FMO4: variants seen among roughly 807,000 people sequenced by gnomAD.
The protein encoded by FMO4 is flavin containing dimethylaniline monoxygenase 4.
In FMO4, 38 loss-of-function variants were observed where a neutral mutation model predicts 43.3. That is an observed-to-expected ratio of 0.88 (90% CI 0.68 to 1.15). The LOEUF is 1.15. Ranked by LOEUF, FMO4 falls within the 50% of genes most tolerant of loss-of-function variation. FMO4 has a pLI of 0.00. For missense variants in FMO4, 631 were observed against 663.3 expected (o/e 0.95, Z 0.54); for synonymous variants, 224 against 232.2 (o/e 0.96, Z 0.32).
intron 6 of FMO4, 44 bp downstream of exon 6, chr1:171,331,826 A>G (rs372300581): frequency 2.5e-6 from 4 of 1,574,678 alleles, no homozygotes; most frequent in African/African-American, 2.7e-5. Context: ...ATCATCAGTT[A>G]TGATGGCTGG....
Position 171,334,740 on chromosome 1 carries a change from G to GA in FMO4, c.1158dup (p.Trp387MetfsTer11). The stretch of plus-strand genomic sequence containing the variant: ...TTATCAGGCACAGAGCTCCAAGCAC[G>GA]ATGGGTCACAAGAGTATTCAAAGGT... On this transcript the variant is annotated frameshift_variant, in exon 8 of 10. Transcript: ENST00000367749. LOFTEE classifies it high-confidence loss of function. The GA allele has an allele frequency of 6.3e-7, 1 of 1,587,404 alleles. No homozygotes were observed. Among genetic ancestry groups the GA allele is most frequent in the Non-Finnish European group, 8.5e-7 (1 of 1,170,088 alleles).
At chr1:171,335,120 G>T (rs1189776695) in intron 8 of FMO4, among the ~76,000 whole-genome samples, 1 of 152,066 alleles carries the variant, frequency 6.6e-6, no homozygotes, top group Non-Finnish European at 1.5e-5. Flanking sequence ...TCCAAAGAAA[G>T]ATATTGGAAT....
rs1662331498 is a variant in FMO4, at chr1:171,319,831, C to CA, written c.8dup (p.Lys4GlufsTer21). 6.2e-7 allele frequency: 1 copy of CA among 1,613,626 alleles called. No homozygotes were observed. On this transcript the variant is annotated frameshift_variant, in exon 3 of 10. Transcript: ENST00000367749. LOFTEE classifies it high-confidence loss of function. ...TTCCTCTAACAGAGCATACCATGGCCAAGAAAGTTGCAGTGATTGGAGCTG... is the reference window on the plus strand; with the variant it reads ...TTCCTCTAACAGAGCATACCATGGCCAAAGAAAGTTGCAGTGATTGGAGCTG...
At chr1:171,326,729 G>A (rs1662683504) in intron 5 of FMO4, among the ~76,000 whole-genome samples, 1 of 152,144 alleles carries the variant, frequency 6.6e-6, no homozygotes, top group African/African-American at 2.4e-5. Flanking sequence ...TAAGTCTAGA[G>A]CCCAAATAGC....
chr1:171,323,926 A>T (rs1485647703), intron 4 of FMO4, among the ~76,000 whole-genome samples: 1 of 152,208 alleles, frequency 6.6e-6, no homozygotes, highest in Non-Finnish European at 1.5e-5. Flanking sequence ...TTCCACTGAA[A>T]GATTCAAATG....
At chr1:171,323,355 G>C (rs528538605) in intron 4 of FMO4, among the ~76,000 whole-genome samples, 163 bp downstream of exon 4, 1 of 152,034 alleles carries the variant, frequency 6.6e-6, no homozygotes, top group Non-Finnish European at 1.5e-5. Flanking sequence ...AGTTTTACTC[G>C]AATAAATCGT....
At chr1:171,316,520 T>C (rs1187631820) in intron 2 of FMO4, among the ~76,000 whole-genome samples, 193 bp downstream of exon 2, 4 of 151,432 alleles carry the variant, frequency 2.6e-5, no homozygotes, top group South Asian at 4.1e-4. Flanking sequence ...TCCTTCAACA[T>C]AGATATTTTT....
At chr1:171,338,559 C>T (rs1663216479) in intron 9 of FMO4, among the ~76,000 whole-genome samples, 1 of 152,180 alleles carries the variant, frequency 6.6e-6, no homozygotes, top group Non-Finnish European at 1.5e-5. Flanking sequence ...ACATAACCCC[C>T]TCAGAACCTT....
intron 3 of FMO4, among the ~76,000 whole-genome samples, chr1:171,320,905 C>A (rs1662396547): frequency 6.6e-6 from 1 of 152,076 alleles, no homozygotes; most frequent in Admixed American, 6.6e-5. Flanking sequence ...GAGTGGCATT[C>A]GTTCAACAGG....
chr1:171,322,788 G>A (rs913542827), intron 3 of FMO4, among the ~76,000 whole-genome samples: 2 of 152,212 alleles, frequency 1.3e-5, no homozygotes, highest in Non-Finnish European at 2.9e-5. Flanking sequence ...GGGAGGCAGA[G>A]TTTGCAGTGA....
intron 1 of FMO4, among the ~76,000 whole-genome samples, chr1:171,315,428 A>G (rs1051334970): frequency 6.6e-6 from 1 of 150,902 alleles, no homozygotes; most frequent in African/African-American, 2.5e-5. Flanking sequence ...CTTTGAATTC[A>G]TATCTTTTTT....
chr1:171,329,336 A>G (rs1353721482), intron 5 of FMO4, among the ~76,000 whole-genome samples: 1 of 152,012 alleles, frequency 6.6e-6, no homozygotes, highest in Non-Finnish European at 1.5e-5. Flanking sequence ...TACAGATTAT[A>G]TGCTCTCAGG....
At chr1:171,332,362 T>G (rs1480305473) in intron 6 of FMO4, among the ~76,000 whole-genome samples, 1 of 152,192 alleles carries the variant, frequency 6.6e-6, no homozygotes, top group African/African-American at 2.4e-5. Flanking sequence ...TATTTTTATT[T>G]AAAAATAAGG....
Position 171,319,808 on chromosome 1 carries a change from C to T in FMO4, c.-8-10C>T, listed in dbSNP as rs754968585. 25 of 1,612,378 alleles carry T rather than the reference C, an allele frequency of 1.6e-5. No homozygotes were observed. Among genetic ancestry groups the T allele is most frequent in the Non-Finnish European group, 2.0e-5 (24 of 1,179,190 alleles). ...AAATAAAGAAGTTCTGCTTGACTTTCCTCTAACAGAGCATACCATGGCCAA... is the reference window on the plus strand; with the variant it reads ...AAATAAAGAAGTTCTGCTTGACTTTTCTCTAACAGAGCATACCATGGCCAA... On this transcript the variant is annotated splice_polypyrimidine_tract_variant and intron_variant, in intron 2 of 9. Transcript: ENST00000367749.
In FMO4 at chr1:171,316,248, T is replaced by C. The variant is rs908653382; in HGVS notation, c.-88T>C. On this transcript the variant is annotated 5_prime_UTR_variant, in exon 2 of 10. Transcript: ENST00000367749. ...CTACCTAGTGGCCTGGAAATTCAAG[T>C]ATTCTTATTGGTGGAGGCCATTTGT... is the stretch of plus-strand genomic sequence containing the variant. 8 of 152,152 alleles carry C rather than the reference T, an allele frequency of 5.3e-5. No individual in the cohort carries two copies. Among genetic ancestry groups the C allele is most frequent in the African/African-American group, 1.9e-4 (8 of 41,436 alleles). 9.4% of individuals were successfully genotyped at this position (152,152 alleles called of 1,614,324 possible).
rs115046520 is a variant in FMO4, at chr1:171,332,720, T to C, written c.639T>C (p.Ser213=). 28 of 1,609,232 alleles carry C rather than the reference T, an allele frequency of 1.7e-5. No individual in the cohort carries two copies. The African/African-American group carries it at 3.3e-4, about 19-fold the overall frequency. The change falls in exon 7 of 10, where the codon AGT becomes AGC. Residue 213 remains serine (S), a synonymous_variant. Transcript: ENST00000367749. The part of the protein sequence containing the change: ...LSRTAAQVLL[S]TRTGTWVLGR... ...ACTTTACTTTTTAGGTACTTCTCAG[T>C]ACTAGAACTGGTACCTGGGTTCTTG...
intron 3 of FMO4, 36 bp downstream of exon 3, chr1:171,319,993 A>G (rs1393256186): frequency 6.2e-7 from 1 of 1,610,962 alleles, no homozygotes; most frequent in Admixed American, 1.7e-5. Context: ...TGATCTGGCC[A>G]TTTGCTTTGT....
At position 171,332,859 on chromosome 1, in the gene FMO4, T is replaced by C. The variant is rs898220960; in HGVS notation, c.778T>C (p.Leu260=). 1.3e-6 allele frequency: 2 copies of C among 1,595,758 alleles called. No homozygotes were observed. The highest frequency in any genetic ancestry group is 1.7e-6 in the Non-Finnish European group (2 of 1,163,434). ...TCTAAACTGGATTCAAGAAAGGAAGTTGAATAAGAGATTTAATCATGAGGA... is the reference window on the plus strand; with the variant it reads ...TCTAAACTGGATTCAAGAAAGGAAGCTGAATAAGAGATTTAATCATGAGGA... The part of the protein sequence containing the change: ...RFLNWIQERK[L]NKRFNHEDYG... The change falls in exon 7 of 10, where the codon TTG becomes CTG. Residue 260 remains leucine (L), a synonymous_variant. Coordinates refer to ENST00000367749, the MANE Select transcript of FMO4 (RefSeq NM_002022.3).
Position 171,341,911 on chromosome 1 carries a change from G to A in FMO4, c.*72G>A, listed in dbSNP as rs542181070. On this transcript the variant is annotated 3_prime_UTR_variant, in exon 10 of 10. Transcript: ENST00000367749. ...CAAGTATCTTGTGCATCCCTCCTCT[G>A]CTCTCCATCATAACTGCTATTAGCC... 3 of 1,254,678 alleles carry A rather than the reference G, an allele frequency of 2.4e-6. No individual in the cohort carries two copies. The highest frequency in any genetic ancestry group is 2.1e-5 in the Admixed American group (1 of 47,942). The allele number at this position is 1,254,678 out of a possible 1,614,324, so 77.7% of individuals were successfully genotyped here. A position where few individuals can be genotyped will look rare whatever the true frequency, so the allele number is the denominator to read the frequency against.
Sources: gnomAD v4.1 joint callset for allele counts (sites outside exome capture counted in the v4.1 genomes callset) on GRCh38, gnomAD v4.1.1 for gene constraint, MANE v1.5 for transcripts, NCBI Gene and HGNC (gene_info 2026-07-23, HGNC 2026-07-21) for gene names.